Variants in ARHGAP22 observed in about 807,000 individuals in gnomAD.
The protein encoded by ARHGAP22 is Rho GTPase activating protein 22.
In ARHGAP22, 48 loss-of-function variants were observed where a neutral mutation model predicts 59.1. The observed-to-expected ratio is 0.81, with a 90% CI of 0.64 to 1.03. The LOEUF (loss-of-function observed/expected upper bound fraction) is 1.03. Among genes scored for constraint, ARHGAP22 ranks in the 50% least tolerant of loss-of-function variants. ARHGAP22 has a pLI of 0.00. For synonymous variants in ARHGAP22, 445 were observed against 416.4 expected (o/e 1.07, Z -0.84); for missense variants, 1,015 against 958.7 (o/e 1.06, Z -0.78).
At chr10:48,474,612 C>CATAGGGATAGAATAGAAGTT (rs780863771) in intron 4 of ARHGAP22, among the ~76,000 whole-genome samples, 24,622 of 151,578 alleles carry the variant, frequency 0.16, 2,588 homozygotes, top group East Asian at 0.6. Context: ...CCCTTCTATT[C>CATAGGGATAGAATAGAAGTT]CTAGGGATAG....
chr10:48,498,129 C>G (rs958910657), intron 3 of ARHGAP22, among the ~76,000 whole-genome samples: 3 of 152,134 alleles, frequency 2.0e-5, no homozygotes, highest in Non-Finnish European at 4.4e-5. Flanking sequence ...CCTGTCATCA[C>G]GAGCCCACAT....
chr10:48,532,951 T>C (rs544075790), intron 3 of ARHGAP22: 6 of 151,200 alleles, frequency 4.0e-5, no homozygotes, highest in Non-Finnish European at 5.9e-5. Context: ...ACTCCAGTTT[T>C]TGCTCTGAAA....
chr10:48,600,247 T>C (rs554539515), intron 1 of ARHGAP22, among the ~76,000 whole-genome samples: 1 of 152,304 alleles, frequency 6.6e-6, no homozygotes, highest in Non-Finnish European at 1.5e-5. Context: ...TTTGTGGCCT[T>C]TAATGTATTA....
chr10:48,626,627 A>C (rs984711762), intron 1 of ARHGAP22, among the ~76,000 whole-genome samples: 96 of 152,326 alleles, frequency 6.3e-4, no homozygotes, highest in African/African-American at 2.0e-3. Flanking sequence ...CATGAAGCCC[A>C]ATATCCAGCC....
chr10:48,494,859 C>G (rs1248823311), intron 3 of ARHGAP22, among the ~76,000 whole-genome samples: 1 of 152,228 alleles, frequency 6.6e-6, no homozygotes, highest in Non-Finnish European at 1.5e-5. Flanking sequence ...AGCTCACCCT[C>G]TTCCCACCAG....
intron 3 of ARHGAP22, among the ~76,000 whole-genome samples, chr10:48,547,692 G>A (rs1448879229): frequency 2.0e-5 from 3 of 152,196 alleles, no homozygotes; most frequent in African/African-American, 2.4e-5. Flanking sequence ...GGCCATTCAC[G>A]TCTTCCTCGG....
chr10:48,647,966 TAGAAAATGTCCAGAA>T (rs2062383408), intron 1 of ARHGAP22, among the ~76,000 whole-genome samples: 1 of 152,196 alleles, frequency 6.6e-6, no homozygotes, highest in African/African-American at 2.4e-5. Flanking sequence ...CTTCCGTTTA[TAGAAAATGTCCAGAA>T]AAGGCACATT....
intron 1 of ARHGAP22, among the ~76,000 whole-genome samples, chr10:48,595,524 ATTTG>A (rs1309649727): frequency 2.0e-5 from 3 of 151,864 alleles, no homozygotes; most frequent in Non-Finnish European, 4.4e-5. Context: ...GTATAGTTTT[ATTTG>A]TTTATTTTTT....
chr10:48,457,236 C>T (rs534068199), intron 5 of ARHGAP22, among the ~76,000 whole-genome samples: 9 of 152,268 alleles, frequency 5.9e-5, no homozygotes, highest in South Asian at 2.1e-4. Context: ...GGTCCTGACT[C>T]GCCTCACTCC....
intron 3 of ARHGAP22, among the ~76,000 whole-genome samples, chr10:48,496,465 G>T (rs1414554236): frequency 6.6e-6 from 1 of 152,194 alleles, no homozygotes; most frequent in Admixed American, 6.5e-5. Context: ...TACAGATAAA[G>T]AAACTGAGGC....
At chr10:48,550,958 T>A (rs1047938899) in intron 3 of ARHGAP22, among the ~76,000 whole-genome samples, 6 of 152,138 alleles carry the variant, frequency 3.9e-5, no homozygotes, top group Non-Finnish European at 8.8e-5. Flanking sequence ...TTCCCTCACA[T>A]CTGGTTCAAA....
rs564151147 is a variant in ARHGAP22 at position 48,590,474 on chromosome 10, C to T, written c.35-7322G>A. Among the ~76,000 whole-genome samples the T allele has an allele frequency of 8.8e-4, 134 of 152,224 alleles. 1 individual carries two copies. The highest frequency in any genetic ancestry group is 3.0e-3 in the African/African-American group (125 of 41,540). On this transcript the variant is annotated intron_variant, in intron 1 of 9. Transcript: ENST00000249601. ...AGCAAGAATGAGGCCTTCCTCTGCT[C>T]GGAAGTGCCCCACCAGCTGAGGCCC...
intron 2 of ARHGAP22, chr10:48,574,999 G>A (rs568232377): frequency 3.3e-5 from 5 of 152,292 alleles, no homozygotes; most frequent in East Asian, 3.9e-4. Context: ...TCATGGGGGC[G>A]GTTTCTCTTG....
In ARHGAP22 at chr10:48,582,986, G is replaced by T; in HGVS notation, c.201C>A (p.Phe67Leu). ...TGATCTCATCTTTGTCCTTGTAGTA[G>T]AAAAGCTGATCCCCACGCAGCACAA... ...RWFVLRGDQL[F>L]YYKDKDEIKP... The change falls in exon 2 of 10, where the codon TTC (phenylalanine) becomes TTA (leucine). Residue 67 changes from phenylalanine to leucine, a missense_variant. Coordinates refer to ENST00000249601, the MANE Select transcript of ARHGAP22 (RefSeq NM_021226.4). 1.9e-6 allele frequency: 3 copies of T among 1,614,234 alleles called. No homozygotes were observed. The highest frequency in any genetic ancestry group is 2.5e-6 in the Non-Finnish European group (3 of 1,180,050).
At chr10:48,496,278 T>G (rs2050918025) in intron 3 of ARHGAP22, among the ~76,000 whole-genome samples, 1 of 152,152 alleles carries the variant, frequency 6.6e-6, no homozygotes, top group Non-Finnish European at 1.5e-5. Context: ...TCTGGTGGTA[T>G]GAGGATATAC....
intron 5 of ARHGAP22, among the ~76,000 whole-genome samples, chr10:48,458,752 G>A (rs981467198): frequency 7.2e-5 from 11 of 152,192 alleles, no homozygotes; most frequent in African/African-American, 1.4e-4. Flanking sequence ...CTCACTGAGC[G>A]TCAACACTGG....
At chr10:48,647,561 A>G (rs1263330264) in intron 1 of ARHGAP22, among the ~76,000 whole-genome samples, 1 of 142,898 alleles carries the variant, frequency 7.0e-6, no homozygotes, top group African/African-American at 2.4e-5. Flanking sequence ...GTTGGTGAGG[A>G]TGTGGAAACA....
chr10:48,529,796 G>A (rs1022859847), intron 3 of ARHGAP22, among the ~76,000 whole-genome samples: 15 of 152,146 alleles, frequency 9.9e-5, no homozygotes, highest in Non-Finnish European at 2.1e-4. Flanking sequence ...CAAAAATAAA[G>A]CCAAATACTT....
chr10:48,601,704 T>G (rs1007776231), intron 1 of ARHGAP22, among the ~76,000 whole-genome samples: 1 of 152,224 alleles, frequency 6.6e-6, no homozygotes, highest in African/African-American at 2.4e-5. Context: ...ACTTGAGGTA[T>G]GTTATATATG....
Sources: allele counts gnomAD v4.1 joint callset (sites outside exome capture counted in the v4.1 genomes callset), GRCh38; gene constraint gnomAD v4.1.1; transcripts MANE v1.5; gene names NCBI Gene and HGNC (gene_info 2026-07-23, HGNC 2026-07-21).